TMPRSS15: variants seen among roughly 807,000 people sequenced by gnomAD.
TMPRSS15 encodes enteropeptidase.
Under a neutral mutation model 125.3 loss-of-function variants are expected in TMPRSS15, and 128 were observed. The observed-to-expected ratio is 1.02, with a 90% CI of 0.89 to 1.18. The LOEUF (loss-of-function observed/expected upper bound fraction) is 1.18, where lower values mean the gene tolerates loss of function less well. Among genes scored for constraint, TMPRSS15 ranks in the 50% most tolerant of loss-of-function variants. TMPRSS15 has a pLI of 0.00. For synonymous variants in TMPRSS15, 446 were observed against 423.2 expected, an observed-to-expected ratio of 1.05 and a Z score of -0.66; for missense variants, 1,283 against 1,212.7, an observed-to-expected ratio of 1.06 and a Z score of -0.86.
chr21:18,400,341 G>A (rs1333632237), intron 1 of TMPRSS15, among the ~76,000 whole-genome samples: 2 of 152,142 alleles, frequency 1.3e-5, no homozygotes, highest in African/African-American at 2.4e-5. Flanking sequence ...TAAAGCTATA[G>A]TAACTAAAAC....
chr21:18,341,614 TTG>T (rs1245612419), intron 12 of TMPRSS15, 66 bp from the exon 13 acceptor site: 4 of 1,545,854 alleles, frequency 2.6e-6, no homozygotes, highest in Non-Finnish European at 2.7e-6. Flanking sequence ...TTGATTCTTC[TTG>T]TGAGCCCAAG....
chr21:18,448,747 AT>A (rs200997278), intron 1 of TMPRSS15, among the ~76,000 whole-genome samples: 57 of 142,762 alleles, frequency 4.0e-4, no homozygotes, highest in Admixed American at 8.4e-4. Flanking sequence ...ATAAACTATC[AT>A]TTTTGTAGTT....
chr21:18,441,975 G>A (rs570821998), intron 1 of TMPRSS15, among the ~76,000 whole-genome samples: 1 of 152,224 alleles, frequency 6.6e-6, no homozygotes, highest in South Asian at 2.1e-4. Context: ...ACAGGCGTGA[G>A]CCACCACACC....
chr21:18,370,870 A>G (rs1601403921), intron 6 of TMPRSS15, among the ~76,000 whole-genome samples: 1 of 152,174 alleles, frequency 6.6e-6, no homozygotes, highest in Non-Finnish European at 1.5e-5. Context: ...TTCATCTTTA[A>G]TTACTATCAA....
At chr21:18,443,074 A>T (rs1213739683) in intron 1 of TMPRSS15, among the ~76,000 whole-genome samples, 1 of 151,580 alleles carries the variant, frequency 6.6e-6, no homozygotes, top group Non-Finnish European at 1.5e-5. Flanking sequence ...GACACTTTGC[A>T]TGTGTATATT....
chr21:18,415,873 A>G (rs547817185), intron 1 of TMPRSS15, among the ~76,000 whole-genome samples: 17 of 152,086 alleles, frequency 1.1e-4, no homozygotes, highest in Non-Finnish European at 1.9e-4. Context: ...CTGTTTGTAG[A>G]TGACATCATC....
intron 17 of TMPRSS15, 97 bp downstream of exon 17, chr21:18,315,048 AG>A: frequency 1.1e-6 from 1 of 938,248 alleles, no homozygotes; most frequent in Non-Finnish European, 1.7e-6. Flanking sequence ...GCATCAAAAC[AG>A]GTCCTAATAG....
chr21:18,392,280 T>G (rs1351138315), intron 3 of TMPRSS15, among the ~76,000 whole-genome samples: 1 of 152,212 alleles, frequency 6.6e-6, no homozygotes, highest in Non-Finnish European at 1.5e-5. Flanking sequence ...ACTTTTATAC[T>G]CTGTCACCTG....
upstream of TMPRSS15, among the ~76,000 whole-genome samples, chr21:18,407,448 C>CTTTTTTTTTTTTTTTT (rs201740388): frequency 1.1e-4 from 14 of 133,198 alleles, no homozygotes; most frequent in African/African-American, 2.0e-4. Context: ...TTTTTCTTTT[C>CTTTTTTTTTTTTTTTT]TTTTTTTTTT....
intron 1 of TMPRSS15, among the ~76,000 whole-genome samples, chr21:18,445,557 T>C (rs571393409): frequency 1.3e-5 from 2 of 152,248 alleles, no homozygotes; most frequent in Admixed American, 6.5e-5. Context: ...ATCATGAATA[T>C]TGCTGCAAAA....
intron 21 of TMPRSS15, among the ~76,000 whole-genome samples, chr21:18,282,618 A>G (rs2074714698): frequency 6.6e-6 from 1 of 152,226 alleles, no homozygotes; most frequent in Non-Finnish European, 1.5e-5. Context: ...ATCCACTGAC[A>G]ACCACATTGC....
intron 18 of TMPRSS15, among the ~76,000 whole-genome samples, chr21:18,309,321 C>A (rs146155299): frequency 1.3e-5 from 2 of 152,104 alleles, no homozygotes; most frequent in African/African-American, 2.4e-5. Flanking sequence ...AAAACCTAGG[C>A]GATATCATTC....
chr21:18,341,623 CAA>C, intron 12 of TMPRSS15, 75 bp from the exon 13 acceptor site: 1 of 1,466,908 alleles, frequency 6.8e-7, no homozygotes, highest in Non-Finnish European at 9.5e-7. Flanking sequence ...CTTGTGAGCC[CAA>C]GAGATTCAAT....
At chr21:18,284,834 C>T (rs1209572225) in intron 21 of TMPRSS15, among the ~76,000 whole-genome samples, 1 of 152,052 alleles carries the variant, frequency 6.6e-6, no homozygotes, top group Non-Finnish European at 1.5e-5. Context: ...AACCCCGTCT[C>T]TACTAAAAAT....
chr21:18,300,273 CTTCTTTCTCTCTCTCT>C (rs998546077), intron 18 of TMPRSS15, among the ~76,000 whole-genome samples: 15 of 141,796 alleles, frequency 1.1e-4, no homozygotes, highest in East Asian at 4.1e-4. Flanking sequence ...TTCTTTCTCT[CTTCTTTCTCTCTCTCT>C]TTCTTTCTCT....
At chr21:18,366,771 A>G (rs2075741841) in intron 6 of TMPRSS15, among the ~76,000 whole-genome samples, 1 of 152,094 alleles carries the variant, frequency 6.6e-6, no homozygotes, top group Non-Finnish European at 1.5e-5. Context: ...ACATTAATGG[A>G]GGTTAGAAAA....
At chr21:18,382,589 T>A (rs2075902632) in intron 4 of TMPRSS15, among the ~76,000 whole-genome samples, 1 of 152,216 alleles carries the variant, frequency 6.6e-6, no homozygotes, top group African/African-American at 2.4e-5. Context: ...ACATACCGAT[T>A]GATCTCATTT....
chr21:18,428,023 C>T (rs146685219), intron 1 of TMPRSS15, among the ~76,000 whole-genome samples: 5,783 of 152,122 alleles, frequency 0.038, 251 homozygotes, highest in African/African-American at 0.11. Context: ...TTTAATTGAC[C>T]GACAGAAGTC....
intron 1 of TMPRSS15, among the ~76,000 whole-genome samples, chr21:18,464,754 T>C (rs1483095320): frequency 6.6e-6 from 1 of 152,096 alleles, no homozygotes; most frequent in Non-Finnish European, 1.5e-5. Flanking sequence ...TTTCTGAAAT[T>C]GAGGCAGTAA....
Sources: allele counts gnomAD v4.1 joint callset (sites outside exome capture counted in the v4.1 genomes callset), GRCh38; gene constraint gnomAD v4.1.1; transcripts MANE v1.5; gene names NCBI Gene and HGNC (gene_info 2026-07-23, HGNC 2026-07-21).